Variants in CTRL observed in about 807,000 individuals in gnomAD.
CTRL encodes chymotrypsin-like protease CTRL-1.
CTRL carries 38 observed loss-of-function variants against 35.5 expected under a neutral mutation model. The ratio of observed to expected loss-of-function variants is 1.07; its 90% CI spans 0.83 to 1.40. The LOEUF (loss-of-function observed/expected upper bound fraction) is 1.40, where lower values mean the gene tolerates loss of function less well. CTRL is among the 40% of genes most tolerant of loss of function. The pLI is 0.00. For synonymous variants in CTRL, 155 were observed against 141.1 expected, an observed-to-expected ratio of 1.10 and a Z score of -0.70; for missense variants, 327 against 342.9, an observed-to-expected ratio of 0.95 and a Z score of 0.37.
chr16:67,929,996 C>A lies in CTRL; in HGVS notation c.733G>T (p.Ala245Ser), dbSNP rs781268588. ...GTKNCNVRAP[A>S]VYTRVSKFST... ...AACTTGCTAACTCGAGTATACACAG[C>A]AGGTGCGCGCACATTGCAGTTTTTG... The change falls in exon 7 of 7, where the codon GCT becomes TCT. Residue 245 changes from alanine to serine, a missense_variant. Coordinates refer to ENST00000574481, the MANE Select transcript of CTRL (RefSeq NM_001907.3). 6.2e-7 allele frequency: 1 copy of A among 1,614,148 alleles called. No individual in the cohort carries two copies. The highest frequency in any genetic ancestry group is 1.1e-5 in the South Asian group (1 of 91,086).
At position 67,930,060 on chromosome 16, in the gene CTRL, T is replaced by A; in HGVS notation, c.669A>T (p.Gly223=). 6.2e-7 allele frequency: 1 copy of A among 1,614,066 alleles called. No homozygotes were observed. The highest frequency in any genetic ancestry group is 8.5e-7 in the Non-Finnish European group (1 of 1,180,002). The change falls in exon 7 of 7, where the codon GGA becomes GGT. Residue 223 remains glycine, a synonymous_variant. Coordinates refer to ENST00000574481, the MANE Select transcript of CTRL (RefSeq NM_001907.3). This position sits in a 1 kb window ranked among gnomAD's most constrained non-coding sequence, Gnocchi z 4.3. ...DSGGPLVCQK[G]NTWVLIGIVS... Reference sequence around the variant, plus strand: ...CAATACCAATAAGCACCCATGTGTTTCCCTTCTGGCAGACAAGAGGGCCTC... The same window carrying A: ...CAATACCAATAAGCACCCATGTGTTACCCTTCTGGCAGACAAGAGGGCCTC...
At chr16:67,931,318 A>G in intron 1 of CTRL, 117 bp from the exon 2 acceptor site, 2 of 945,968 alleles carry the variant, frequency 2.1e-6, no homozygotes, top group African/African-American at 1.6e-5. Flanking sequence ...GTACAGCACT[A>G]CCCCTTCCCC....
intron 1 of CTRL, 160 bp downstream of exon 1, chr16:67,931,641 T>C: frequency 1.2e-6 from 1 of 821,652 alleles, no homozygotes; most frequent in Non-Finnish European, 1.9e-6. Context: ...CTCCCAGCCC[T>C]GCAGGCCTGT....
rs778177125 is a variant in CTRL at position 67,930,662 on chromosome 16, G to A, written c.318+64C>T. 133 of 1,606,948 alleles carry A rather than the reference G, an allele frequency of 8.3e-5. No homozygotes were observed. In the Middle Eastern group the frequency reaches 4.6e-3, roughly 56 times the overall value. On this transcript the variant is annotated intron_variant, in intron 4 of 6. Transcript: ENST00000574481. The surrounding 1 kb of genome is among the most constrained non-coding windows in gnomAD (Gnocchi z 4.3). ...GGCCAGGGCATGTCCTGAATTCCTC[G>A]TTCCCAGCACCCACCCACCTGCACT...
chr16:67,930,853 AG>A lies in CTRL; in HGVS notation c.237-47del, dbSNP rs1454742786. The A allele has an allele frequency of 3.1e-6, 5 of 1,611,886 alleles. No individual in the cohort carries two copies. The highest frequency in any genetic ancestry group is 4.2e-6 in the Non-Finnish European group (5 of 1,178,864). On this transcript the variant is annotated intron_variant, in intron 3 of 6. Transcript: ENST00000574481. This position sits in a 1 kb window ranked among gnomAD's most constrained non-coding sequence, Gnocchi z 4.3. ...GCAGCTGCAGGGAGGCCAGCGCGAG[AG>A]GGGGACAGCCAGGGGAGGAGGCAGG...
At chr16:67,931,331 CAG>C (rs1207976736) in intron 1 of CTRL, 130 bp from the exon 2 acceptor site, 62 of 846,338 alleles carry the variant, frequency 7.3e-5, no homozygotes, top group Admixed American at 5.6e-4. Flanking sequence ...CCTTCCCCAA[CAG>C]GGTACATGCA....
In CTRL at chr16:67,931,132, A is replaced by G. The variant is rs779333367; in HGVS notation, c.122T>C (p.Val41Ala). 3 of 1,613,936 alleles carry G rather than the reference A, an allele frequency of 1.9e-6. No individual in the cohort carries two copies. In the African/African-American group the frequency reaches 4.0e-5, roughly 22 times the overall value. The change falls in exon 2 of 7, where the codon GTG (valine) becomes GCG (alanine). Residue 41 changes from valine (V) to alanine (A), a missense_variant. Physicochemically the swap from Val to Ala is moderately conservative, Grantham distance 64. Transcript: ENST00000574481. ...SQRIVNGENA[V>A]LGSWPWQVSL... ...CACCTGCCAGGGCCAGGAGCCCAAC[A>G]CTGCATTCTCCCCGTTGACAATCCT...
chr16:67,929,846 C>T lies in CTRL; in HGVS notation c.*88G>A. On this transcript the variant is annotated 3_prime_UTR_variant, in exon 7 of 7. Coordinates refer to ENST00000574481, the MANE Select transcript of CTRL (RefSeq NM_001907.3). ...TCGGACCCTCAACAGCCTCTTCTTT[C>T]TCCTGAGCCAGGAAGACAGACATGA... The T allele has an allele frequency of 6.9e-7, 1 of 1,459,196 alleles. No individual in the cohort carries two copies. The highest frequency in any genetic ancestry group is 1.2e-5 in the South Asian group (1 of 81,514). The allele number at this position is 1,459,196 out of a possible 1,614,324, so 90.4% of individuals were successfully genotyped here. A position where few individuals can be genotyped will look rare whatever the true frequency, so the allele number is the denominator to read the frequency against.
chr16:67,931,399 C>T, intron 1 of CTRL, 198 bp from the exon 2 acceptor site: 1 of 620,618 alleles, frequency 1.6e-6, no homozygotes, highest in Middle Eastern at 4.3e-4. Flanking sequence ...AGTCCCCCAG[C>T]CCTGCTGTTC....
At chr16:67,931,771 C>T in intron 1 of CTRL, 30 bp downstream of exon 1, 2 of 1,555,192 alleles carry the variant, frequency 1.3e-6, no homozygotes, top group Non-Finnish European at 1.7e-6. Context: ...GCTCCCAGGG[C>T]TGAATCAGGG....
rs755452700 is a variant in CTRL at position 67,930,243 on chromosome 16, C to T, written c.575G>A (p.Gly192Asp). The part of the protein sequence containing the change: ...VTVNQCRQYW[G>D]SSITDSMICA... Reference sequence around the variant, plus strand: ...GATCATGGAGTCAGTGATACTTGAGCCCCAGTACTGCCGGCACTGATTCAC... The same window carrying T: ...GATCATGGAGTCAGTGATACTTGAGTCCCAGTACTGCCGGCACTGATTCAC... Residue 192 changes from glycine to aspartate, a missense_variant, in exon 6 of 7, where the codon GGC (glycine) becomes GAC (aspartate). Transcript: ENST00000574481. This position sits in a 1 kb window ranked among gnomAD's most constrained non-coding sequence, Gnocchi z 4.3. The T allele has an allele frequency of 6.2e-7, 1 of 1,614,046 alleles. No individual in the cohort carries two copies. The highest frequency in any genetic ancestry group is 1.1e-5 in the South Asian group (1 of 91,086).
At chr16:67,931,528 G>T (rs550379085) in intron 1 of CTRL, 52 of 585,892 alleles carry the variant, frequency 8.9e-5, no homozygotes, top group Non-Finnish European at 1.4e-4. Flanking sequence ...CTTTCTAAAA[G>T]ACATGGACAG....
chr16:67,930,473 G>A lies in CTRL; in HGVS notation c.434C>T (p.Ser145Leu). The A allele has an allele frequency of 6.2e-7, 1 of 1,614,190 alleles. No homozygotes were observed. The highest frequency in any genetic ancestry group is 8.5e-7 in the Non-Finnish European group (1 of 1,180,044). ...GAGGCCTTCAGTCAGAGCCTCGTTT[G>A]AGGATGCCAGGCAAACTGGCGAGAT... ...TRISPVCLAS[S>L]NEALTEGLTC... Residue 145 changes from serine (S) to leucine (L), a missense_variant, in exon 5 of 7, where the codon TCA (serine) becomes TTA (leucine). By Grantham distance (145) the Ser-to-Leu change is moderately radical. Coordinates refer to ENST00000574481, the MANE Select transcript of CTRL (RefSeq NM_001907.3). This position sits in a 1 kb window ranked among gnomAD's most constrained non-coding sequence, Gnocchi z 4.3.
rs762033380 is a variant in CTRL at position 67,930,052 on chromosome 16, C to T, written c.677G>A (p.Trp226Ter). 8 of 1,614,088 alleles carry T rather than the reference C, an allele frequency of 5.0e-6. No homozygotes were observed. Among genetic ancestry groups the T allele is most frequent in the Non-Finnish European group, 6.8e-6 (8 of 1,180,026 alleles). Residue 226 changes from tryptophan (W) to a stop codon, truncating the protein, a stop_gained, in exon 7 of 7, where the codon TGG (tryptophan) becomes TAG (stop). Transcript: ENST00000574481. LOFTEE classifies it high-confidence loss of function. This position sits in a 1 kb window ranked among gnomAD's most constrained non-coding sequence, Gnocchi z 4.3. ...GPLVCQKGNTWVLIGIVSWGT... is the reference protein window; with the variant it reads ...GPLVCQKGNT ...CCAGGAGACAATACCAATAAGCACC[C>T]ATGTGTTTCCCTTCTGGCAGACAAG...
Position 67,931,107 on chromosome 16 carries a change from C to T in CTRL, c.147G>A (p.Val49=), listed in dbSNP as rs767111912. 2.5e-6 allele frequency: 4 copies of T among 1,613,892 alleles called. No individual in the cohort carries two copies. Among genetic ancestry groups the T allele is most frequent in the Admixed American group, 1.7e-5 (1 of 60,006 alleles). Residue 49 remains valine (V), a synonymous_variant, in exon 2 of 7, where the codon GTG becomes GTA. Transcript: ENST00000574481. ...CCCTCTGGTGGTGTACCTGCAGGGA[C>T]ACCTGCCAGGGCCAGGAGCCCAACA... is the stretch of plus-strand genomic sequence containing the variant. ...NAVLGSWPWQ[V]SLQDSSGFHF...
rs200154546 is a variant in CTRL at position 67,930,120 on chromosome 16, T to C, written c.634-25A>G. The C allele has an allele frequency of 6.2e-6, 10 of 1,613,000 alleles. No homozygotes were observed. The highest frequency in any genetic ancestry group is 1.3e-5 in the African/African-American group (1 of 74,636). On this transcript the variant is annotated intron_variant, in intron 6 of 6. Coordinates refer to ENST00000574481, the MANE Select transcript of CTRL (RefSeq NM_001907.3). The surrounding 1 kb of genome is among the most constrained non-coding windows in gnomAD (Gnocchi z 4.3). Reference sequence around the variant, plus strand: ...CCTGAGAGGGAAGAGGGAGGGAGAATTGAGTAGGGGGGGTTGGGGAGGTAT... The same window carrying C: ...CCTGAGAGGGAAGAGGGAGGGAGAACTGAGTAGGGGGGGTTGGGGAGGTAT...
Position 67,930,444 on chromosome 16 carries a change from A to C in CTRL, c.463T>G (p.Cys155Gly). The C allele has an allele frequency of 1.2e-6, 2 of 1,614,054 alleles. No homozygotes were observed. The highest frequency in any genetic ancestry group is 1.7e-6 in the Non-Finnish European group (2 of 1,179,994). Residue 155 changes from cysteine (C) to glycine (G), a missense_variant, in exon 5 of 7, where the codon TGT becomes GGT. Coordinates refer to ENST00000574481, the MANE Select transcript of CTRL (RefSeq NM_001907.3). This position sits in a 1 kb window ranked among gnomAD's most constrained non-coding sequence, Gnocchi z 4.3. ...SNEALTEGLT[C>G]VTTGWGRLSG... ...AGGCGACCCCAGCCGGTGGTGACAC[A>C]CGTGAGGCCTTCAGTCAGAGCCTCG...
rs539488905 is a variant in CTRL, at chr16:67,931,177, G to A, written c.77C>T (p.Pro26Leu). The A allele has an allele frequency of 7.4e-6, 12 of 1,614,070 alleles. No individual in the cohort carries two copies. The South Asian group carries it at 7.7e-5, about 10-fold the overall frequency. Residue 26 changes from proline to leucine, a missense_variant, in exon 2 of 7, where the codon CCG (proline) becomes CTG (leucine). By Grantham distance (98) the Pro-to-Leu change is moderately conservative. Transcript: ENST00000574481. Reference protein sequence around the residue: ...SWGCGIPAIKPALSFSQRIVN... With the variant: ...SWGCGIPAIKLALSFSQRIVN... ...AATCCTCTGGCTGAAGCTCAGTGCC[G>A]GTTTGATGGCAGGAATGCCGCAGCC...
At chr16:67,931,327 C>G (rs1451392276) in intron 1 of CTRL, 126 bp from the exon 2 acceptor site, 2 of 873,684 alleles carry the variant, frequency 2.3e-6, no homozygotes, top group East Asian at 2.6e-5. Context: ...TACCCCTTCC[C>G]CAACAGGGTA....
Sources: allele counts gnomAD v4.1 joint callset, GRCh38; gene constraint gnomAD v4.1.1; non-coding constraint Gnocchi (gnomAD v3.1); transcripts MANE v1.5; gene names NCBI Gene and HGNC (gene_info 2026-07-23, HGNC 2026-07-21).